The following KLHL5 variants were observed in gnomAD, a reference collection of about 807,000 sequenced individuals.
KLHL5 encodes the protein kelch like family member 5, also known as kelch-like protein 5.
KLHL5 carries 48 observed loss-of-function variants against 77.7 expected under a neutral mutation model. The observed-to-expected ratio is 0.62, with a 90% CI of 0.49 to 0.79. The LOEUF (loss-of-function observed/expected upper bound fraction) is 0.79, where lower values mean the gene tolerates loss of function less well. KLHL5 is among the 30% of genes least tolerant of loss of function. The pLI is 0.00. For synonymous variants in KLHL5, 260 were observed against 297.0 expected, an observed-to-expected ratio of 0.88 and a Z score of 1.28; for missense variants, 723 against 859.7, an observed-to-expected ratio of 0.84 and a Z score of 1.99.
Position 39,046,701 on chromosome 4 carries a change from C to T in KLHL5, c.-95+1605C>T, listed in dbSNP as rs577960828. ...AATGAGGCCTGAGAGGCGTATTTTCCTCCTGGGCCCTAATGAAAAAAGGAG... is the reference window on the plus strand; with the variant it reads ...AATGAGGCCTGAGAGGCGTATTTTCTTCCTGGGCCCTAATGAAAAAAGGAG... On this transcript the variant is annotated intron_variant, in intron 1 of 11. Transcript: ENST00000261425. 3.3e-5 allele frequency among the ~76,000 whole-genome samples: 5 copies of T among 152,300 alleles called. No individual in the cohort carries two copies. In the South Asian group the frequency reaches 1.0e-3, roughly 32 times the overall value.
At chr4:39,139,340 C>T in the KLHL5 span, among the ~76,000 whole-genome samples, 4 of 150,516 alleles carry the variant, frequency 2.7e-5, no homozygotes, top group African/African-American at 4.9e-5. Context: ...GATAATCTTG[C>T]CTAAACTATG....
At chr4:39,061,693 CT>C (rs1331432871), upstream of KLHL5, among the ~76,000 whole-genome samples, 1 of 152,190 alleles carries the variant, frequency 6.6e-6, no homozygotes, top group Non-Finnish European at 1.5e-5. Flanking sequence ...ATCCCAGTCC[CT>C]GGTAGCTTTT....
chr4:39,095,541 C>T (rs1209958888), intron 5 of KLHL5, among the ~76,000 whole-genome samples: 1 of 151,756 alleles, frequency 6.6e-6, no homozygotes, highest in African/African-American at 2.4e-5. Flanking sequence ...AAAATTAATA[C>T]ATAAGGACTT....
chr4:39,122,276 G>A lies in KLHL5; in HGVS notation c.*1210G>A, dbSNP rs1391355134. 1 of 152,116 alleles carries A rather than the reference G, an allele frequency of 6.6e-6. No homozygotes were observed. Among genetic ancestry groups the A allele is most frequent in the Non-Finnish European group, 1.5e-5 (1 of 68,024 alleles). The allele number at this position is 152,116 out of a possible 1,614,324, so 9.4% of individuals were successfully genotyped here. On this transcript the variant is annotated 3_prime_UTR_variant, in exon 11 of 11. Coordinates refer to ENST00000504108, the MANE Select transcript of KLHL5 (RefSeq NM_015990.5). ...AACCACCTTACGGAAAATAATATTTGCTAATATTGTTTATTGTGAACTAGG... is the reference window on the plus strand; with the variant it reads ...AACCACCTTACGGAAAATAATATTTACTAATATTGTTTATTGTGAACTAGG...
chr4:39,108,043 A>AT (rs1320009849), intron 8 of KLHL5, among the ~76,000 whole-genome samples: 1 of 151,226 alleles, frequency 6.6e-6, no homozygotes, highest in East Asian at 1.9e-4. Flanking sequence ...ATTTAAAAGT[A>AT]TATTATCTAT....
intron 4 of KLHL5, among the ~76,000 whole-genome samples, chr4:39,083,769 T>G (rs1368971324): frequency 2.6e-5 from 4 of 152,210 alleles, no homozygotes; most frequent in Non-Finnish European, 1.5e-5. Context: ...GTGAAAACAT[T>G]TGTATGCATT....
upstream of KLHL5, chr4:39,044,979 C>T (rs1170326092): frequency 1.8e-5 from 18 of 989,142 alleles, no homozygotes; most frequent in African/African-American, 3.0e-4. Flanking sequence ...GGTCTAGGGG[C>T]GCGCGAGGGG....
chr4:39,082,797 G>A (rs1429322902), intron 4 of KLHL5, among the ~76,000 whole-genome samples: 22 of 152,122 alleles, frequency 1.4e-4, no homozygotes, highest in Admixed American at 1.4e-3. Context: ...AAAATGGATT[G>A]ACCTAGGATA....
chr4:39,120,989 A>G lies in KLHL5; in HGVS notation c.2074-21A>G, dbSNP rs762216985. The stretch of plus-strand genomic sequence containing the variant: ...ACATTTTAACCTACAGATCCAATAC[A>G]TATCTCTTTTTCCTTTTTAGGTTGC... On this transcript the variant is annotated intron_variant, in intron 10 of 10. Coordinates refer to ENST00000504108, the MANE Select transcript of KLHL5 (RefSeq NM_015990.5). 1.4e-5 allele frequency: 22 copies of G among 1,594,726 alleles called. No homozygotes were observed. The African/African-American group carries it at 1.9e-4, about 14-fold the overall frequency.
rs1172998470 is a variant in KLHL5 at position 39,124,967 on chromosome 4, C to T, written c.*3901C>T. Reference sequence around the variant, plus strand: ...AGAATATATAAGGAACTCCGATGCTCGACAACAAAAAGACAAACCAATTTT... The same window carrying T: ...AGAATATATAAGGAACTCCGATGCTTGACAACAAAAAGACAAACCAATTTT... On this transcript the variant is annotated 3_prime_UTR_variant, in exon 11 of 11. Coordinates refer to ENST00000504108, the MANE Select transcript of KLHL5 (RefSeq NM_015990.5). Among the ~76,000 whole-genome samples, 2 of 151,920 alleles carry T rather than the reference C, an allele frequency of 1.3e-5. No homozygotes were observed. The highest frequency in any genetic ancestry group is 2.4e-5 in the African/African-American group (1 of 41,380).
At chr4:39,073,248 C>T (rs903297039) in intron 1 of KLHL5, among the ~76,000 whole-genome samples, 1 of 152,074 alleles carries the variant, frequency 6.6e-6, no homozygotes, top group African/African-American at 2.4e-5. Flanking sequence ...AAGTTCTTGA[C>T]AAGAAAATTA....
At chr4:39,072,729 G>A (rs922424472) in intron 1 of KLHL5, among the ~76,000 whole-genome samples, 1 of 152,074 alleles carries the variant, frequency 6.6e-6, no homozygotes, top group Admixed American at 6.6e-5. Flanking sequence ...CCTATTATAT[G>A]CTAAACAAAA....
At chr4:39,126,596 G>A (rs114714519), downstream of KLHL5, 2,097 of 377,784 alleles carry the variant, frequency 5.6e-3, 37 homozygotes, top group African/African-American at 0.04. Context: ...AGGGAAGCTC[G>A]GGAAGCAAAT....
At chr4:39,075,503 T>C (rs890110426) in intron 1 of KLHL5, among the ~76,000 whole-genome samples, 1 of 152,204 alleles carries the variant, frequency 6.6e-6, no homozygotes, top group Non-Finnish European at 1.5e-5. Context: ...CCAAAATAAT[T>C]ATTTATAACA....
intron 8 of KLHL5, among the ~76,000 whole-genome samples, chr4:39,110,416 T>A (rs1722368497): frequency 1.3e-5 from 2 of 152,006 alleles, no homozygotes; most frequent in Admixed American, 6.6e-5. Context: ...GTAGTAATAA[T>A]TTTTTTTCTA....
intron 8 of KLHL5, chr4:39,112,673 A>C: frequency 4.7e-6 from 1 of 211,838 alleles, no homozygotes; most frequent in South Asian, 7.8e-5. Context: ...AAGCCATGGT[A>C]TATTTATACA....
chr4:39,132,091 C>A, the KLHL5 span, among the ~76,000 whole-genome samples: 1 of 152,032 alleles, frequency 6.6e-6, no homozygotes, highest in Non-Finnish European at 1.5e-5. Context: ...TTCTATATAG[C>A]TGGGACCTCT....
chr4:39,117,077 C>T (rs1722894257), intron 10 of KLHL5, among the ~76,000 whole-genome samples: 1 of 152,132 alleles, frequency 6.6e-6, no homozygotes, highest in African/African-American at 2.4e-5. Context: ...CCTCGTGATC[C>T]ACCCACCTTG....
intron 1 of KLHL5, among the ~76,000 whole-genome samples, chr4:39,045,860 C>T (rs548470391): frequency 2.1e-4 from 30 of 141,804 alleles, no homozygotes; most frequent in Non-Finnish European, 2.9e-4. Flanking sequence ...TTTCTGGTGT[C>T]TTCTTCCAGA....
Sources: gnomAD v4.1 joint callset for allele counts (sites outside exome capture counted in the v4.1 genomes callset) on GRCh38, gnomAD v4.1.1 for gene constraint, MANE v1.5 for transcripts, NCBI Gene and HGNC (gene_info 2026-07-23, HGNC 2026-07-21) for gene names.